Variants in USH2A observed in about 807,000 individuals in gnomAD.
The protein encoded by USH2A is Usher syndrome 2A (autosomal recessive, mild).
Under a neutral mutation model 538.9 loss-of-function variants are expected in USH2A, and 443 were observed. The observed-to-expected ratio is 0.82, with a 90% CI of 0.76 to 0.89. USH2A has a LOEUF of 0.89. Ranked by LOEUF, USH2A falls within the 40% of genes least tolerant of loss-of-function variation. The probability of loss-of-function intolerance (pLI) is 0.00; values close to 1 mark genes in which losing one functional copy is unlikely to be tolerated. For missense variants in USH2A, 6,633 were observed against 6,324.8 expected (o/e 1.05, Z -1.65); for synonymous variants, 2,413 against 2,273.5 (o/e 1.06, Z -1.75).
intron 11 of USH2A, among the ~76,000 whole-genome samples, chr1:216,253,027 C>T (rs750586629): frequency 6.6e-6 from 1 of 152,030 alleles, no homozygotes; most frequent in African/African-American, 2.4e-5. Context: ...GTGATGTTTC[C>T]GTCAAAGAAT....
At chr1:215,886,935 G>T (rs552677457) in intron 41 of USH2A, among the ~76,000 whole-genome samples, 23 of 152,078 alleles carry the variant, frequency 1.5e-4, no homozygotes, top group African/African-American at 5.3e-4. Context: ...TCGGCTCACT[G>T]CAAGCTCCGC....
intron 30 of USH2A, among the ~76,000 whole-genome samples, chr1:216,050,604 C>CTTTCTTTCTTTCTTTCTT (rs1195871302): frequency 2.8e-4 from 19 of 68,598 alleles, no homozygotes; most frequent in African/African-American, 9.6e-4. Context: ...TTCTTTCTTT[C>CTTTCTTTCTTTCTTTCTT]TTTTTTTTTT....
intron 13 of USH2A, among the ~76,000 whole-genome samples, chr1:216,237,242 T>C (rs1476885775): frequency 6.6e-6 from 1 of 152,108 alleles, no homozygotes; most frequent in African/African-American, 2.4e-5. Context: ...ATTTTATGCC[T>C]ACTACTTGGG....
Position 215,799,121 on chromosome 1 carries a change from T to C in USH2A, c.9744A>G (p.Glu3248=). The change falls in exon 50 of 72, where the codon GAA becomes GAG. Residue 3248 remains glutamate, a synonymous_variant. Transcript: ENST00000307340. The stretch of plus-strand genomic sequence containing the variant: ...TGTGCTGTTCATCTGGACAGCATAC[T>C]TCACCTGTCAATTTAGGACAATAAT... ...SGYYARILPG[E]VCCPDEQHNR... The C allele has an allele frequency of 1.2e-6, 2 of 1,613,570 alleles. No individual in the cohort carries two copies. The highest frequency in any genetic ancestry group is 1.7e-6 in the Non-Finnish European group (2 of 1,179,792).
chr1:216,259,622 T>C (rs748705892), intron 11 of USH2A, among the ~76,000 whole-genome samples: 7 of 152,132 alleles, frequency 4.6e-5, no homozygotes, highest in African/African-American at 1.2e-4. Flanking sequence ...GATTTATCCA[T>C]GAGGAATACT....
Position 215,639,668 on chromosome 1 carries a change from A to G in USH2A, c.14969-430T>C, listed in dbSNP as rs116493204. Among the ~76,000 whole-genome samples the G allele has an allele frequency of 7.5e-3, 1,148 of 152,314 alleles. 15 individuals carry two copies. The highest frequency in any genetic ancestry group is 0.026 in the African/African-American group (1,090 of 41,564). On this transcript the variant is annotated intron_variant, in intron 68 of 71. Coordinates refer to ENST00000307340, the MANE Select transcript of USH2A (RefSeq NM_206933.4). ...GGTCTAAATTGCTCTTCCAATGGCCAGGAACCTGAGGGAAGTGACCCTTGC... is the reference window on the plus strand; with the variant it reads ...GGTCTAAATTGCTCTTCCAATGGCCGGGAACCTGAGGGAAGTGACCCTTGC...
At chr1:216,200,936 A>T (rs1295713045) in intron 16 of USH2A, among the ~76,000 whole-genome samples, 1 of 147,704 alleles carries the variant, frequency 6.8e-6, no homozygotes, top group Non-Finnish European at 1.5e-5. Context: ...AGGTCCCAGC[A>T]TATTTATGTG....
rs2039697046 is a variant in USH2A at position 216,422,513 on chromosome 1, T to C, written c.-177A>G. ...GTAATACCAACGACGTTCTTAGCAA[T>C]GGCGAAGACATGAGTAGCTGCTGGT... On this transcript the variant is annotated 5_prime_UTR_variant, in exon 2 of 72. Coordinates refer to ENST00000307340, the MANE Select transcript of USH2A (RefSeq NM_206933.4). The C allele has an allele frequency of 1.1e-5, 9 of 828,672 alleles. No homozygotes were observed. Among genetic ancestry groups the C allele is most frequent in the Non-Finnish European group, 1.7e-5 (9 of 541,292 alleles). 51.3% of individuals were successfully genotyped at this position (828,672 alleles called of 1,614,324 possible). A position where few individuals can be genotyped will look rare whatever the true frequency, so the allele number is the denominator to read the frequency against.
intron 37 of USH2A, among the ~76,000 whole-genome samples, chr1:215,936,827 T>C (rs1666511660): frequency 1.3e-5 from 2 of 152,120 alleles, no homozygotes; most frequent in Admixed American, 1.3e-4. Flanking sequence ...AATGTGTCAT[T>C]GTCCCATCAG....
intron 9 of USH2A, among the ~76,000 whole-genome samples, chr1:216,299,857 A>G (rs916902273): frequency 6.6e-6 from 1 of 152,162 alleles, no homozygotes; most frequent in African/African-American, 2.4e-5. Flanking sequence ...TACAGAAGCA[A>G]AGATTTTGAG....
chr1:216,352,550 T>C (rs2038307534), intron 4 of USH2A, among the ~76,000 whole-genome samples: 1 of 152,100 alleles, frequency 6.6e-6, no homozygotes, highest in Middle Eastern at 3.2e-3. Flanking sequence ...GCTCCTATGG[T>C]TGAATATACT....
chr1:216,204,089 A>T (rs2035058972), intron 16 of USH2A: 1 of 157,118 alleles, frequency 6.4e-6, no homozygotes, highest in Non-Finnish European at 1.5e-5. Flanking sequence ...TTTTATTTTT[A>T]AATTTGATCT....
At chr1:216,168,056 T>A (rs997646827) in intron 21 of USH2A, among the ~76,000 whole-genome samples, 1 of 152,146 alleles carries the variant, frequency 6.6e-6, no homozygotes, top group African/African-American at 2.4e-5. Flanking sequence ...TATACATTTT[T>A]AAATGTTTTA....
intron 48 of USH2A, 104 bp from the exon 49 acceptor site, chr1:215,814,008 C>T (rs1215561115): frequency 1.6e-6 from 2 of 1,271,118 alleles, no homozygotes; most frequent in African/African-American, 3.0e-5. Flanking sequence ...CATAGAAGAT[C>T]TGAGACCATA....
chr1:216,021,471 A>T (rs1360146708), intron 32 of USH2A, among the ~76,000 whole-genome samples: 1 of 152,178 alleles, frequency 6.6e-6, no homozygotes, highest in Non-Finnish European at 1.5e-5. Context: ...GCCATGTGGA[A>T]CAGTGAGTCA....
In USH2A at chr1:216,283,457, A is replaced by G. The variant is rs903207818; in HGVS notation, c.1971+5823T>C. ...TTTTCTATCTATAAGATAATGGCAT[A>G]TGCAAATACAAATAACTTCTCTTTT... is the stretch of plus-strand genomic sequence containing the variant. On this transcript the variant is annotated intron_variant, in intron 11 of 71. Coordinates refer to ENST00000307340, the MANE Select transcript of USH2A (RefSeq NM_206933.4). 2.0e-5 allele frequency among the ~76,000 whole-genome samples: 3 copies of G among 152,316 alleles called. No individual in the cohort carries two copies. In the East Asian group the frequency reaches 5.8e-4, roughly 29 times the overall value.
At chr1:216,226,807 G>A (rs1273890096) in intron 14 of USH2A, among the ~76,000 whole-genome samples, 2 of 152,072 alleles carry the variant, frequency 1.3e-5, no homozygotes, top group Non-Finnish European at 2.9e-5. Context: ...CTTCCTTGTG[G>A]TCTTCATCCG....
At chr1:215,987,456 C>A (rs1667898357) in intron 35 of USH2A, among the ~76,000 whole-genome samples, 1 of 152,178 alleles carries the variant, frequency 6.6e-6, no homozygotes, top group African/African-American at 2.4e-5. Flanking sequence ...AAATCACAGC[C>A]TGTAAAGAAC....
intron 37 of USH2A, among the ~76,000 whole-genome samples, chr1:215,954,951 C>A (rs2102444882): frequency 6.6e-6 from 1 of 152,260 alleles, no homozygotes; most frequent in Non-Finnish European, 1.5e-5. Flanking sequence ...AAATGCCATT[C>A]ACTTTGGAAT....
Sources: allele counts gnomAD v4.1 joint callset (sites outside exome capture counted in the v4.1 genomes callset), GRCh38; gene constraint gnomAD v4.1.1; transcripts MANE v1.5; gene names NCBI Gene and HGNC (gene_info 2026-07-23, HGNC 2026-07-21).